The following VPS13B variants were observed in gnomAD, a reference collection of about 807,000 sequenced individuals.
VPS13B encodes the protein vacuolar protein sorting 13 homolog B.
A neutral mutation model predicts 426.4 loss-of-function variants in VPS13B; 285 were observed. That is an observed-to-expected ratio of 0.67 (90% CI 0.61 to 0.74). VPS13B has a LOEUF of 0.74. Among genes scored for constraint, VPS13B ranks in the 30% least tolerant of loss-of-function variants. VPS13B has a pLI of 0.00. For synonymous variants in VPS13B, 1,676 were observed against 1,676.4 expected (o/e 1.00, Z 0.01); for missense variants, 4,537 against 4,782.6 (o/e 0.95, Z 1.51).
chr8:99,608,886 T>TA (rs1352817763), intron 33 of VPS13B, among the ~76,000 whole-genome samples: 1 of 152,108 alleles, frequency 6.6e-6, no homozygotes, highest in Non-Finnish European at 1.5e-5. Context: ...AGGTGTTTTT[T>TA]AAAAATATAT....
Position 99,720,915 on chromosome 8 carries a change from A to G in VPS13B, c.6918A>G (p.Glu2306=), listed in dbSNP as rs1166888595. The G allele has an allele frequency of 6.2e-7, 1 of 1,613,870 alleles. No homozygotes were observed. The highest frequency in any genetic ancestry group is 8.5e-7 in the Non-Finnish European group (1 of 1,179,944). ...AAGTCTTATTTTATAATGAAACTGA[A>G]GATTGCCCAGGGATGATGTTATGGA... ...VYEVLFYNET[E]DCPGMMLWRY... Residue 2306 remains glutamate, a synonymous_variant, in exon 39 of 62, where the codon GAA becomes GAG. Coordinates refer to ENST00000357162, the MANE Select transcript of VPS13B (RefSeq NM_152564.5).
intron 5 of VPS13B, among the ~76,000 whole-genome samples, chr8:99,110,083 TAACA>T (rs1847281855): frequency 6.6e-6 from 1 of 152,172 alleles, no homozygotes; most frequent in Non-Finnish European, 1.5e-5. Context: ...CTTTTTCAAC[TAACA>T]GACAACTTTG....
intron 39 of VPS13B, among the ~76,000 whole-genome samples, chr8:99,758,891 T>C (rs1353200057): frequency 6.6e-6 from 1 of 152,148 alleles, no homozygotes; most frequent in Non-Finnish European, 1.5e-5. Context: ...AGTTCACCAT[T>C]GCGACCCTCT....
At chr8:99,539,227 T>A (rs576742017) in intron 30 of VPS13B, among the ~76,000 whole-genome samples, 1 of 152,154 alleles carries the variant, frequency 6.6e-6, no homozygotes, top group African/African-American at 2.4e-5. Context: ...AATTGGCCTT[T>A]AAAAAATAGG....
chr8:99,338,932 A>C (rs1261509496), intron 19 of VPS13B, among the ~76,000 whole-genome samples: 2 of 152,196 alleles, frequency 1.3e-5, no homozygotes, highest in Non-Finnish European at 2.9e-5. Context: ...ATGCAAATAG[A>C]GAATAATATA....
At chr8:99,505,284 A>T (rs910336762) in intron 27 of VPS13B, among the ~76,000 whole-genome samples, 1 of 152,172 alleles carries the variant, frequency 6.6e-6, no homozygotes, top group Non-Finnish European at 1.5e-5. Flanking sequence ...CTTCCTTTTC[A>T]TTCACAACTT....
At chr8:99,080,983 T>C (rs112784039) in intron 3 of VPS13B, among the ~76,000 whole-genome samples, 220 of 152,340 alleles carry the variant, frequency 1.4e-3, no homozygotes, top group African/African-American at 5.0e-3. Context: ...TCAAGGCTCT[T>C]GCATTGCTGT....
intron 31 of VPS13B, among the ~76,000 whole-genome samples, chr8:99,575,372 A>G (rs1380027434): frequency 6.6e-6 from 1 of 152,194 alleles, no homozygotes; most frequent in Non-Finnish European, 1.5e-5. Flanking sequence ...ATTTGCAAGA[A>G]CAAAAAGGAG....
rs575350946 is a variant in VPS13B at position 99,566,333 on chromosome 8, T to C, written c.4950-9325T>C. Among the ~76,000 whole-genome samples the C allele has an allele frequency of 2.0e-5, 3 of 152,342 alleles. No individual in the cohort carries two copies. The South Asian group carries it at 6.2e-4, about 32-fold the overall frequency. On this transcript the variant is annotated intron_variant, in intron 31 of 61. Transcript: ENST00000357162. Reference sequence around the variant, plus strand: ...TAAAATCTTCTGTATTTTCAATTACTTTACAGTCATCTTACAGCTAAGATG... The same window carrying C: ...TAAAATCTTCTGTATTTTCAATTACCTTACAGTCATCTTACAGCTAAGATG...
At chr8:99,089,668 C>T (rs1244424384) in intron 3 of VPS13B, among the ~76,000 whole-genome samples, 1 of 152,010 alleles carries the variant, frequency 6.6e-6, no homozygotes, top group African/African-American at 2.4e-5. Flanking sequence ...TCTTATTATG[C>T]AGATGAAGTT....
At chr8:99,635,499 A>G (rs1041072354) in intron 33 of VPS13B, among the ~76,000 whole-genome samples, 3 of 152,024 alleles carry the variant, frequency 2.0e-5, no homozygotes, top group Non-Finnish European at 4.4e-5. Context: ...TATGTTTGGT[A>G]TATAGTAAGT....
Position 99,013,726 on chromosome 8 carries a change from G to T in VPS13B, c.-29-34G>T, listed in dbSNP as rs184865604. On this transcript the variant is annotated intron_variant, in intron 1 of 61. Transcript: ENST00000357162. The stretch of plus-strand genomic sequence containing the variant: ...CGAACGCTCTTTCCTTCACTCTACC[G>T]CCGACTTCTAACGTTTCTGTCTACT... 500 of 1,604,152 alleles carry T rather than the reference G, an allele frequency of 3.1e-4. 1 individual carries two copies. The African/African-American group carries it at 5.2e-3, about 17-fold the overall frequency.
intron 23 of VPS13B, among the ~76,000 whole-genome samples, chr8:99,458,925 T>G (rs964353580): frequency 6.6e-6 from 1 of 152,174 alleles, no homozygotes; most frequent in Non-Finnish European, 1.5e-5. Flanking sequence ...TTAGTTTAAT[T>G]AGATCCCATT....
chr8:99,274,389 C>A, intron 18 of VPS13B, 57 bp downstream of exon 18: 1 of 1,612,042 alleles, frequency 6.2e-7, no homozygotes, highest in Non-Finnish European at 8.5e-7. Flanking sequence ...ATTGGCCTTG[C>A]GTTTTACAAG....
At chr8:99,561,558 A>T (rs1212715595) in intron 31 of VPS13B, among the ~76,000 whole-genome samples, 1 of 152,220 alleles carries the variant, frequency 6.6e-6, no homozygotes, top group Non-Finnish European at 1.5e-5. Flanking sequence ...TTTCACTTTC[A>T]GTACAGTATT....
intron 19 of VPS13B, among the ~76,000 whole-genome samples, chr8:99,296,569 G>A (rs1456125949): frequency 6.6e-6 from 1 of 152,148 alleles, no homozygotes; most frequent in Non-Finnish European, 1.5e-5. Context: ...TGTGCATATT[G>A]TGAATGCATA....
chr8:99,703,655 T>C (rs1832378358), intron 36 of VPS13B, among the ~76,000 whole-genome samples: 1 of 152,218 alleles, frequency 6.6e-6, no homozygotes, highest in Non-Finnish European at 1.5e-5. Context: ...TTCCCTTACG[T>C]GTATATACAA....
chr8:99,517,286 T>C lies in VPS13B; in HGVS notation c.4634-3613T>C, dbSNP rs77579847. 3.3e-5 allele frequency among the ~76,000 whole-genome samples: 5 copies of C among 152,332 alleles called. No individual in the cohort carries two copies. In the East Asian group the frequency reaches 9.6e-4, roughly 29 times the overall value. On this transcript the variant is annotated intron_variant, in intron 29 of 61. Transcript: ENST00000357162. ...ATTCTTATATTATCTGACAGTTGCA[T>C]GAAAATTCTGGTCTTTATTCAAGCT...
chr8:99,695,274 A>G (rs1831912522), intron 35 of VPS13B, among the ~76,000 whole-genome samples: 1 of 148,322 alleles, frequency 6.7e-6, no homozygotes, highest in Non-Finnish European at 1.5e-5. Flanking sequence ...CATTATTCAC[A>G]ATAGCAAAGA....
Sources: gnomAD v4.1 joint callset for allele counts (sites outside exome capture counted in the v4.1 genomes callset) on GRCh38, gnomAD v4.1.1 for gene constraint, MANE v1.5 for transcripts, NCBI Gene and HGNC (gene_info 2026-07-23, HGNC 2026-07-21) for gene names.